Variants in DPP10 observed in about 807,000 individuals in gnomAD.
DPP10 encodes dipeptidyl peptidase like 10.
DPP10 carries 33 observed loss-of-function variants against 120.9 expected under a neutral mutation model. The ratio of observed to expected loss-of-function variants is 0.27; its 90% CI spans 0.21 to 0.37. The LOEUF is 0.37. DPP10 is among the 10% of genes least tolerant of loss of function. The pLI, the probability that DPP10 is intolerant of heterozygous loss-of-function variation, is 1.00. For synonymous variants in DPP10, 337 were observed against 326.1 expected (o/e 1.03, Z -0.36); for missense variants, 816 against 942.8 (o/e 0.87, Z 1.76).
intron 5 of DPP10, among the ~76,000 whole-genome samples, chr2:115,644,325 G>T (rs531150615): frequency 1.2e-4 from 18 of 152,030 alleles, no homozygotes; most frequent in African/African-American, 3.6e-4. Flanking sequence ...CGCCCACTCC[G>T]CAACAGGCCC....
At chr2:115,025,678 T>G (rs1450155543) in intron 1 of DPP10, among the ~76,000 whole-genome samples, 1 of 152,158 alleles carries the variant, frequency 6.6e-6, no homozygotes, top group Admixed American at 6.6e-5. Context: ...TTACTTCCAG[T>G]CTTTTTCATA....
intron 1 of DPP10, among the ~76,000 whole-genome samples, chr2:115,156,356 C>T (rs553467607): frequency 3.6e-4 from 55 of 152,244 alleles, no homozygotes; most frequent in African/African-American, 4.6e-4. Context: ...TTAATGTCAG[C>T]GGATGCTCTA....
intron 17 of DPP10, among the ~76,000 whole-genome samples, chr2:115,784,695 A>G (rs1683140957): frequency 6.6e-6 from 1 of 152,048 alleles, no homozygotes; most frequent in South Asian, 2.1e-4. Context: ...CACCACGCCC[A>G]GCTAATTTTG....
At chr2:115,584,217 T>C (rs1366442286) in intron 5 of DPP10, among the ~76,000 whole-genome samples, 1 of 152,220 alleles carries the variant, frequency 6.6e-6, no homozygotes, top group African/African-American at 2.4e-5. Context: ...TTAAGATACA[T>C]TTTTCATCAC....
At chr2:114,476,386 A>G (rs1279624162) in intron 1 of DPP10, among the ~76,000 whole-genome samples, 1 of 152,204 alleles carries the variant, frequency 6.6e-6, no homozygotes, top group Non-Finnish European at 1.5e-5. Context: ...CACATCAAAT[A>G]AAAAGTAGTT....
intron 1 of DPP10, among the ~76,000 whole-genome samples, chr2:115,188,219 A>G (rs187117431): frequency 3.3e-5 from 5 of 152,330 alleles, no homozygotes; most frequent in Admixed American, 3.3e-4. Flanking sequence ...TTTGTTTTAT[A>G]TTATTTGTAT....
chr2:115,631,455 T>TG (rs2085865985), intron 5 of DPP10, among the ~76,000 whole-genome samples: 1 of 152,170 alleles, frequency 6.6e-6, no homozygotes, highest in Admixed American at 6.5e-5. Context: ...CTGCCAGTTT[T>TG]GGGGTTTGTT....
chr2:115,439,439 C>A (rs1358742292), intron 3 of DPP10, among the ~76,000 whole-genome samples: 1 of 152,190 alleles, frequency 6.6e-6, no homozygotes, highest in Admixed American at 6.5e-5. Flanking sequence ...CACCACTGAA[C>A]TGTACACTTA....
At chr2:115,073,666 G>A (rs1329644516) in intron 1 of DPP10, among the ~76,000 whole-genome samples, 2 of 152,214 alleles carry the variant, frequency 1.3e-5, no homozygotes, top group African/African-American at 4.8e-5. Context: ...TCTTGGCTCT[G>A]GCCATTTACT....
chr2:114,501,247 T>C (rs570048697), intron 1 of DPP10, among the ~76,000 whole-genome samples: 1 of 152,126 alleles, frequency 6.6e-6, no homozygotes, highest in East Asian at 1.9e-4. Context: ...GCAAAAATAA[T>C]AATATTACTT....
chr2:115,557,342 T>C (rs1401501029), intron 5 of DPP10, among the ~76,000 whole-genome samples: 1 of 152,132 alleles, frequency 6.6e-6, no homozygotes, highest in Non-Finnish European at 1.5e-5. Flanking sequence ...GCCTACCATA[T>C]AGAAGCAAGA....
intron 1 of DPP10, chr2:114,835,128 A>AT (rs1687603319): frequency 6.7e-6 from 1 of 150,198 alleles, no homozygotes; most frequent in South Asian, 2.1e-4. Context: ...ATGTATATAT[A>AT]AGACATATCT....
At chr2:114,699,994 T>C (rs1193952906) in intron 1 of DPP10, among the ~76,000 whole-genome samples, 3 of 152,108 alleles carry the variant, frequency 2.0e-5, no homozygotes, top group Non-Finnish European at 2.9e-5. Flanking sequence ...CCGTGGTAGA[T>C]GGACATTAAG....
chr2:115,737,648 C>T (rs1016153094), intron 8 of DPP10, among the ~76,000 whole-genome samples: 2 of 152,084 alleles, frequency 1.3e-5, no homozygotes, highest in Admixed American at 6.6e-5. Flanking sequence ...AGTTGCAAGG[C>T]CCCCTGGTAC....
At chr2:115,564,746 G>A (rs1392171672) in intron 5 of DPP10, among the ~76,000 whole-genome samples, 1 of 152,170 alleles carries the variant, frequency 6.6e-6, no homozygotes, top group Non-Finnish European at 1.5e-5. Context: ...ATTTGAAGCA[G>A]TGTTTTCCAC....
chr2:115,820,235 T>C (rs968909133), intron 21 of DPP10, among the ~76,000 whole-genome samples: 1 of 152,152 alleles, frequency 6.6e-6, no homozygotes, highest in African/African-American at 2.4e-5. Flanking sequence ...AAAGAATTGA[T>C]CAGGATAACA....
chr2:114,714,787 A>G (rs1004665119), intron 1 of DPP10, among the ~76,000 whole-genome samples: 1 of 152,148 alleles, frequency 6.6e-6, no homozygotes, highest in African/African-American at 2.4e-5. Flanking sequence ...AAAATAAACT[A>G]ATACAGCAAA....
intron 1 of DPP10, among the ~76,000 whole-genome samples, chr2:115,162,557 G>C (rs1425943887): frequency 6.6e-6 from 1 of 152,150 alleles, no homozygotes; most frequent in Non-Finnish European, 1.5e-5. Flanking sequence ...GTGAGGTGGG[G>C]ATGGGGGAAG....
chr2:114,923,660 A>G (rs1695380351), intron 1 of DPP10, among the ~76,000 whole-genome samples: 1 of 146,964 alleles, frequency 6.8e-6, no homozygotes, highest in African/African-American at 2.5e-5. Flanking sequence ...TTGTATTTTT[A>G]GTAGAGATGG....
Sources: allele counts gnomAD v4.1 joint callset (sites outside exome capture counted in the v4.1 genomes callset), GRCh38; gene constraint gnomAD v4.1.1; transcripts MANE v1.5; gene names NCBI Gene and HGNC (gene_info 2026-07-23, HGNC 2026-07-21).